The following UBE2D2 variants were observed in gnomAD, a reference collection of about 807,000 sequenced individuals.
The protein encoded by UBE2D2 is ubiquitin conjugating enzyme E2 D2, also known as ubiquitin-conjugating enzyme E2 D2.
In UBE2D2, 2 loss-of-function variants were observed where a neutral mutation model predicts 24.2. The observed-to-expected ratio is 0.08, with a 90% CI of 0.03 to 0.26. The LOEUF is 0.26. Among genes scored for constraint, UBE2D2 ranks in the 10% least tolerant of loss-of-function variants. UBE2D2 has a pLI of 1.00. For synonymous variants in UBE2D2, 58 were observed against 56.5 expected (o/e 1.03, Z -0.12); for missense variants, 44 against 177.6 (o/e 0.25, Z 4.28).
chr5:139,573,687 C>T (rs1010722784), intron 1 of UBE2D2, among the ~76,000 whole-genome samples: 4 of 151,824 alleles, frequency 2.6e-5, no homozygotes, highest in Admixed American at 6.6e-5. Context: ...ATGTCTTTCT[C>T]GGCCGGGCGC....
At position 139,597,795 on chromosome 5, in the gene UBE2D2, T is replaced by C. The variant is rs576590942; in HGVS notation, c.25-2577T>C. Among the ~76,000 whole-genome samples the C allele has an allele frequency of 8.5e-5, 13 of 152,392 alleles. No homozygotes were observed. The East Asian group carries it at 2.5e-3, about 29-fold the overall frequency. On this transcript the variant is annotated intron_variant, in intron 1 of 6. Coordinates refer to ENST00000398733, the MANE Select transcript of UBE2D2 (RefSeq NM_003339.3). Reference sequence around the variant, plus strand: ...CTATACAGTAGGCTATTACTTTTTTTCTTGAGATGGGCAGAAAATCTCTAT... The same window carrying C: ...CTATACAGTAGGCTATTACTTTTTTCCTTGAGATGGGCAGAAAATCTCTAT...
chr5:139,580,132 C>T (rs1279538995), intron 1 of UBE2D2, among the ~76,000 whole-genome samples: 1 of 152,002 alleles, frequency 6.6e-6, no homozygotes, highest in Non-Finnish European at 1.5e-5. Flanking sequence ...TCACTCTTGT[C>T]ACCCAGCATT....
At chr5:139,605,013 TAGAAGAA>T (rs1168915443) in intron 2 of UBE2D2, among the ~76,000 whole-genome samples, 1 of 152,178 alleles carries the variant, frequency 6.6e-6, no homozygotes, top group African/African-American at 2.4e-5. Context: ...AATTTAATCT[TAGAAGAA>T]GGAAGAGAGA....
At chr5:139,565,961 A>G (rs1006322858) in intron 1 of UBE2D2, among the ~76,000 whole-genome samples, 5 of 152,112 alleles carry the variant, frequency 3.3e-5, no homozygotes, top group East Asian at 3.8e-4. Context: ...TTTGGCATAC[A>G]TAGCTTTCAA....
At chr5:139,580,706 A>G (rs903879904) in intron 1 of UBE2D2, among the ~76,000 whole-genome samples, 1 of 152,088 alleles carries the variant, frequency 6.6e-6, no homozygotes, top group Non-Finnish European at 1.5e-5. Context: ...CAGCCTCCCA[A>G]AGTGCTGGGA....
intron 1 of UBE2D2, among the ~76,000 whole-genome samples, chr5:139,531,998 T>A (rs1435003373): frequency 3.3e-5 from 5 of 151,700 alleles, no homozygotes; most frequent in African/African-American, 4.8e-5. Flanking sequence ...GTTTTTTTTT[T>A]AATTATGCAT....
chr5:139,614,263 G>A (rs1754381266), intron 2 of UBE2D2, among the ~76,000 whole-genome samples: 1 of 151,958 alleles, frequency 6.6e-6, no homozygotes, highest in Non-Finnish European at 1.5e-5. Context: ...TCTTGCAGTG[G>A]CGCAGTCATG....
chr5:139,534,947 T>C (rs942413763), intron 1 of UBE2D2, among the ~76,000 whole-genome samples: 1 of 151,498 alleles, frequency 6.6e-6, no homozygotes, highest in Non-Finnish European at 1.5e-5. Flanking sequence ...AAGACCAGCC[T>C]GGGCAACATG....
At chr5:139,536,826 C>G (rs755998983) in intron 1 of UBE2D2, among the ~76,000 whole-genome samples, 2 of 151,958 alleles carry the variant, frequency 1.3e-5, no homozygotes, top group Non-Finnish European at 2.9e-5. Flanking sequence ...GAAGTAAATC[C>G]AAGATATCAT....
At chr5:139,540,278 C>T (rs1484420242) in intron 1 of UBE2D2, among the ~76,000 whole-genome samples, 1 of 149,756 alleles carries the variant, frequency 6.7e-6, no homozygotes, top group Non-Finnish European at 1.5e-5. Flanking sequence ...AACACTGGAA[C>T]TCTCTGTACT....
chr5:139,540,471 G>A (rs1173814312), intron 1 of UBE2D2, among the ~76,000 whole-genome samples: 3 of 149,848 alleles, frequency 2.0e-5, no homozygotes, highest in African/African-American at 4.9e-5. Flanking sequence ...GCGTGAACCC[G>A]GGAGGTGGAG....
intron 1 of UBE2D2, among the ~76,000 whole-genome samples, chr5:139,577,818 A>G (rs147550563): frequency 6.6e-6 from 1 of 152,152 alleles, no homozygotes; most frequent in African/African-American, 2.4e-5. Context: ...TCCCCCCACC[A>G]CCACATTTTC....
intron 1 of UBE2D2, among the ~76,000 whole-genome samples, chr5:139,528,226 G>A (rs1234257433): frequency 6.6e-6 from 1 of 152,202 alleles, no homozygotes; most frequent in Admixed American, 6.5e-5. Flanking sequence ...CCGAGTGGAT[G>A]TGTGGTGGTA....
chr5:139,603,961 C>T (rs2126689771), intron 2 of UBE2D2, among the ~76,000 whole-genome samples: 1 of 151,908 alleles, frequency 6.6e-6, no homozygotes, highest in African/African-American at 2.4e-5. Context: ...AAAAAACAAA[C>T]AAACTCTCCC....
intron 1 of UBE2D2, among the ~76,000 whole-genome samples, chr5:139,588,118 C>T (rs761555746): frequency 6.6e-6 from 1 of 152,072 alleles, no homozygotes; most frequent in Non-Finnish European, 1.5e-5. Flanking sequence ...TGTGTGCCAC[C>T]ATGCCTGGCT....
At chr5:139,566,483 G>C (rs1753221899) in intron 1 of UBE2D2, among the ~76,000 whole-genome samples, 1 of 152,024 alleles carries the variant, frequency 6.6e-6, no homozygotes, top group Non-Finnish European at 1.5e-5. Flanking sequence ...AGACCAGCCT[G>C]AGCAACATGA....
At chr5:139,560,070 G>T (rs1581490100), upstream of UBE2D2, among the ~76,000 whole-genome samples, 3 of 147,660 alleles carry the variant, frequency 2.0e-5, no homozygotes, top group East Asian at 5.9e-4. Flanking sequence ...AGTTTTGCTC[G>T]TCGCCCAGGC....
chr5:139,557,212 C>T (rs996949809), upstream of UBE2D2, among the ~76,000 whole-genome samples: 2 of 151,860 alleles, frequency 1.3e-5, no homozygotes, highest in African/African-American at 4.8e-5. Context: ...CGACTCACTG[C>T]AACCTCCGCC....
At chr5:139,536,178 C>A (rs996065761) in intron 1 of UBE2D2, among the ~76,000 whole-genome samples, 3 of 152,150 alleles carry the variant, frequency 2.0e-5, no homozygotes, top group Non-Finnish European at 4.4e-5. Flanking sequence ...CAGCTTACCA[C>A]AACCTCCACC....
Sources: gnomAD v4.1 joint callset for allele counts (sites outside exome capture counted in the v4.1 genomes callset) on GRCh38, gnomAD v4.1.1 for gene constraint, MANE v1.5 for transcripts, NCBI Gene and HGNC (gene_info 2026-07-23, HGNC 2026-07-21) for gene names.